FAT3: variants seen among roughly 807,000 people sequenced by gnomAD.
The protein encoded by FAT3 is FAT atypical cadherin 3.
In FAT3, 95 loss-of-function variants were observed where a neutral mutation model predicts 310.2. That is an observed-to-expected ratio of 0.31 (90% CI 0.26 to 0.36). The LOEUF is 0.36. FAT3 is among the 10% of genes least tolerant of loss of function. The probability of loss-of-function intolerance (pLI) is 1.00; values close to 1 mark genes in which losing one functional copy is unlikely to be tolerated. For synonymous variants in FAT3, 2,314 were observed against 2,192.9 expected, an observed-to-expected ratio of 1.06 and a Z score of -1.54; for missense variants, 5,408 against 5,715.6, an observed-to-expected ratio of 0.95 and a Z score of 1.74.
chr11:92,597,487 G>T (rs1375837015), intron 3 of FAT3, among the ~76,000 whole-genome samples: 1 of 152,152 alleles, frequency 6.6e-6, no homozygotes, highest in Non-Finnish European at 1.5e-5. Context: ...CCCCTTCATG[G>T]CTGGGGAGCT....
At chr11:92,731,702 G>GAA (rs5793621) in intron 4 of FAT3, among the ~76,000 whole-genome samples, 75 of 148,062 alleles carry the variant, frequency 5.1e-4, no homozygotes, top group African/African-American at 1.3e-3. Context: ...ATTCTCTTGG[G>GAA]AAAAAAAAAA....
At chr11:92,342,465 C>G (rs1948289232) in intron 1 of FAT3, among the ~76,000 whole-genome samples, 1 of 152,130 alleles carries the variant, frequency 6.6e-6, no homozygotes, top group African/African-American at 2.4e-5. Flanking sequence ...AGAGGAATGG[C>G]AATTGGGATG....
intron 13 of FAT3, among the ~76,000 whole-genome samples, chr11:92,823,956 G>A (rs1450720583): frequency 1.3e-5 from 2 of 152,118 alleles, no homozygotes; most frequent in African/African-American, 2.4e-5. Context: ...GGAAAAAGGA[G>A]CCATTAATTT....
intron 2 of FAT3, among the ~76,000 whole-genome samples, chr11:92,370,407 T>G (rs1295080845): frequency 2.6e-5 from 4 of 152,190 alleles, no homozygotes; most frequent in Non-Finnish European, 4.4e-5. Flanking sequence ...GCTGTGAAGA[T>G]GGAAAGTAAG....
chr11:92,565,307 G>A (rs953202899), intron 3 of FAT3, among the ~76,000 whole-genome samples: 3 of 149,906 alleles, frequency 2.0e-5, no homozygotes, highest in Non-Finnish European at 4.4e-5. Flanking sequence ...TAAATTCCTC[G>A]ACACATACAC....
At chr11:92,599,932 T>A (rs1337605077) in intron 3 of FAT3, among the ~76,000 whole-genome samples, 1 of 152,222 alleles carries the variant, frequency 6.6e-6, no homozygotes, top group South Asian at 2.1e-4. Flanking sequence ...CTGCAGGTTA[T>A]CATATAAAAG....
chr11:92,424,243 A>G (rs1950585668), intron 2 of FAT3, among the ~76,000 whole-genome samples: 1 of 152,144 alleles, frequency 6.6e-6, no homozygotes, highest in Admixed American at 6.6e-5. Flanking sequence ...ATAATTAACA[A>G]AAAGGGGTTG....
intron 2 of FAT3, among the ~76,000 whole-genome samples, chr11:92,416,406 GA>G (rs1325365974): frequency 1.3e-5 from 2 of 149,700 alleles, no homozygotes; most frequent in African/African-American, 4.9e-5. Context: ...AAGAAAGAAA[GA>G]AAAAAAACCT....
intron 1 of FAT3, among the ~76,000 whole-genome samples, chr11:92,261,691 C>A (rs1865561432): frequency 1.3e-5 from 2 of 151,994 alleles, no homozygotes; most frequent in African/African-American, 4.8e-5. Flanking sequence ...TTATTCCAAT[C>A]CCTGGGTGGC....
chr11:92,326,913 G>C (rs1947783424), intron 1 of FAT3, among the ~76,000 whole-genome samples: 2 of 152,172 alleles, frequency 1.3e-5, no homozygotes. Flanking sequence ...GCTTTCTGGA[G>C]TCAGCATTCA....
At chr11:92,321,849 GT>G (rs1314068029) in intron 1 of FAT3, among the ~76,000 whole-genome samples, 5 of 152,134 alleles carry the variant, frequency 3.3e-5, no homozygotes, top group African/African-American at 1.2e-4. Context: ...TTGGTAAAAT[GT>G]TTTTCGTAAA....
At chr11:92,444,660 G>T (rs914149079) in intron 2 of FAT3, among the ~76,000 whole-genome samples, 4 of 112,912 alleles carry the variant, frequency 3.5e-5, no homozygotes, top group African/African-American at 7.8e-5. Context: ...GGATATTACT[G>T]GGGGGGGGGG....
In FAT3 at chr11:92,577,752, G is replaced by A. The variant is rs140201599; in HGVS notation, c.3607+52804G>A. Among the ~76,000 whole-genome samples the A allele has an allele frequency of 8.4e-3, 1,284 of 152,160 alleles. 3 individuals carry two copies. Among genetic ancestry groups the A allele is most frequent in the Non-Finnish European group, 0.014 (929 of 67,992 alleles). The stretch of plus-strand genomic sequence containing the variant: ...CCTAGGGATCAGCAAAGAAATTTAC[G>A]GGGCAGCAGTGTGCTGGGAGATACT... On this transcript the variant is annotated intron_variant, in intron 3 of 27. Coordinates refer to ENST00000525166, the MANE Select transcript of FAT3 (RefSeq NM_001367949.2).
chr11:92,422,896 C>T (rs938322239), intron 2 of FAT3, among the ~76,000 whole-genome samples: 2 of 151,970 alleles, frequency 1.3e-5, no homozygotes, highest in Non-Finnish European at 2.9e-5. Context: ...GGGACGTTGA[C>T]CAGACTAGAG....
chr11:92,325,952 A>T (rs985400803), intron 1 of FAT3, among the ~76,000 whole-genome samples: 3 of 152,130 alleles, frequency 2.0e-5, no homozygotes, highest in Non-Finnish European at 4.4e-5. Flanking sequence ...ATTTGTGGGG[A>T]TGTGTATATT....
At chr11:92,685,485 A>G (rs1943606025) in intron 3 of FAT3, among the ~76,000 whole-genome samples, 1 of 152,040 alleles carries the variant, frequency 6.6e-6, no homozygotes, top group Non-Finnish European at 1.5e-5. Flanking sequence ...GAATATTCCC[A>G]TATGTATAGA....
chr11:92,832,609 G>A (rs12281170), intron 14 of FAT3, among the ~76,000 whole-genome samples: 1,728 of 152,232 alleles, frequency 0.011, 39 homozygotes, highest in African/African-American at 0.039. Flanking sequence ...GGGCTCAGGG[G>A]CAGCAATGTG....
chr11:92,814,182 T>C (rs1020558527), intron 13 of FAT3, among the ~76,000 whole-genome samples: 2 of 152,202 alleles, frequency 1.3e-5, no homozygotes, highest in Non-Finnish European at 2.9e-5. Context: ...GTCTCAGGTA[T>C]TTTTTATAGC....
intron 3 of FAT3, among the ~76,000 whole-genome samples, chr11:92,555,326 G>A (rs1428042652): frequency 1.3e-5 from 2 of 152,166 alleles, no homozygotes; most frequent in African/African-American, 4.8e-5. Context: ...CTTTGGTTAC[G>A]GTTAGTAGTA....
Sources: allele counts gnomAD v4.1 joint callset (sites outside exome capture counted in the v4.1 genomes callset), GRCh38; gene constraint gnomAD v4.1.1; transcripts MANE v1.5; gene names NCBI Gene and HGNC (gene_info 2026-07-23, HGNC 2026-07-21).